Variants in CAPN8 observed in about 807,000 individuals in gnomAD.
The protein encoded by CAPN8 is calpain-8.
CAPN8 carries 87 observed loss-of-function variants against 80.9 expected under a neutral mutation model. That is an observed-to-expected ratio of 1.07 (90% confidence interval 0.90 to 1.28). The LOEUF (loss-of-function observed/expected upper bound fraction) is 1.28, where lower values mean the gene tolerates loss of function less well. Among genes scored for constraint, CAPN8 ranks in the 50% most tolerant of loss-of-function variants. CAPN8 has a pLI of 0.00. For missense variants in CAPN8, 757 were observed against 702.0 expected (o/e 1.08, Z -0.89); for synonymous variants, 299 against 273.8 (o/e 1.09, Z -0.91).
chr1:223,545,972 G>A (rs1054929139), intron 16 of CAPN8, among the ~76,000 whole-genome samples: 7 of 146,158 alleles, frequency 4.8e-5, no homozygotes, highest in Non-Finnish European at 9.0e-5. Context: ...ACAGGCACCC[G>A]CCACCATACT....
intron 14 of CAPN8, among the ~76,000 whole-genome samples, chr1:223,552,099 C>G (rs1656802219): frequency 6.6e-6 from 1 of 152,182 alleles, no homozygotes; most frequent in African/African-American, 2.4e-5. Flanking sequence ...AACTCAGCCC[C>G]TTATTCATCA....
In CAPN8 at chr1:223,549,545, C is replaced by T. The variant is rs772407697; in HGVS notation, c.1700-163G>A. On this transcript the variant is annotated intron_variant, in intron 15 of 20. Coordinates refer to ENST00000366872, the MANE Select transcript of CAPN8 (RefSeq NM_001143962.2). ...ATCATGGCAGGCTTGTGGGCAGATA[C>T]GCCTGAGCCTCCTGGTGCCGTGGGA... 177 of 1,036,112 alleles carry T rather than the reference C, an allele frequency of 1.7e-4. No homozygotes were observed. The African/African-American group carries it at 2.2e-3, about 13-fold the overall frequency. The allele number at this position is 1,036,112 out of a possible 1,614,324, so 64.2% of individuals were successfully genotyped here.
At chr1:223,543,396 G>A (rs1008413369) in intron 19 of CAPN8, among the ~76,000 whole-genome samples, 2 of 150,090 alleles carry the variant, frequency 1.3e-5, no homozygotes, top group African/African-American at 4.9e-5. Context: ...GACAAACCCC[G>A]TTGCCAGCAG....
intron 7 of CAPN8, 81 bp from the exon 8 acceptor site, chr1:223,620,347 C>T: frequency 8.8e-6 from 11 of 1,244,116 alleles, no homozygotes; most frequent in Non-Finnish European, 1.3e-5. Flanking sequence ...CTAAGCTTCC[C>T]CCTAAGAGCC....
intron 1 of CAPN8, among the ~76,000 whole-genome samples, chr1:223,655,748 A>G (rs1460649369): frequency 3.3e-5 from 5 of 152,182 alleles, no homozygotes; most frequent in Non-Finnish European, 7.3e-5. Context: ...TCCATTAGAA[A>G]GGTAGGATGC....
chr1:223,628,165 C>T (rs964394653), intron 3 of CAPN8, 23 bp from the exon 4 acceptor site: 1 of 1,529,374 alleles, frequency 6.5e-7, no homozygotes, highest in Non-Finnish European at 8.8e-7. Flanking sequence ...GACACAGCGG[C>T]TGCTCACATG....
rs77885949 is a variant in CAPN8 at position 223,646,439 on chromosome 1, G to A, written c.307+7891C>T. Among the ~76,000 whole-genome samples, 1,508 of 152,324 alleles carry A rather than the reference G, an allele frequency of 9.9e-3. 13 individuals carry two copies. Among genetic ancestry groups the A allele is most frequent in the African/African-American group, 0.033 (1,365 of 41,562 alleles). ...TCCAGTAAATGCCCAGAGCTGCCCT[G>A]AAGGTGACAGAGGCCTTAACACAGC... On this transcript the variant is annotated intron_variant, in intron 2 of 20. Coordinates refer to ENST00000366872, the MANE Select transcript of CAPN8 (RefSeq NM_001143962.2).
chr1:223,637,521 G>C (rs1368460121), intron 2 of CAPN8, among the ~76,000 whole-genome samples: 1 of 152,134 alleles, frequency 6.6e-6, no homozygotes, highest in African/African-American at 2.4e-5. Flanking sequence ...AGTCAGCCAG[G>C]TTCCTACTCC....
intron 1 of CAPN8, among the ~76,000 whole-genome samples, chr1:223,659,055 C>T (rs192072637): frequency 8.5e-5 from 13 of 152,280 alleles, no homozygotes; most frequent in Non-Finnish European, 5.9e-5. Flanking sequence ...TTTAGTAACA[C>T]TGTTTTCTAT....
intron 1 of CAPN8, among the ~76,000 whole-genome samples, chr1:223,656,928 C>G (rs555263348): frequency 6.6e-6 from 1 of 152,018 alleles, no homozygotes; most frequent in African/African-American, 2.4e-5. Flanking sequence ...TCGTGATCCG[C>G]CCGCCTCGGC....
At chr1:223,637,666 G>T (rs1657939263) in intron 2 of CAPN8, among the ~76,000 whole-genome samples, 1 of 152,162 alleles carries the variant, frequency 6.6e-6, no homozygotes, top group Non-Finnish European at 1.5e-5. Context: ...GCTCCTGTAT[G>T]CCATCATCAC....
rs115149184 is a variant in CAPN8, at chr1:223,611,433, G to T, written c.1323+813C>A. On this transcript the variant is annotated intron_variant, in intron 11 of 20. Coordinates refer to ENST00000366872, the MANE Select transcript of CAPN8 (RefSeq NM_001143962.2). ...TTTTCTAGAAATTTCTGCATAATCT[G>T]CCCCTTAATTTGCATATAATTAAAA... Among the ~76,000 whole-genome samples the T allele has an allele frequency of 5.3e-3, 807 of 152,250 alleles. 4 individuals carry two copies. Among genetic ancestry groups the T allele is most frequent in the East Asian group, 0.025 (130 of 5,180 alleles).
chr1:223,649,208 A>G (rs1571735537), intron 2 of CAPN8, among the ~76,000 whole-genome samples: 1 of 152,224 alleles, frequency 6.6e-6, no homozygotes. Flanking sequence ...ATTTACACAT[A>G]GAGACGATTC....
intron 16 of CAPN8, among the ~76,000 whole-genome samples, chr1:223,549,017 C>T (rs1195583315): frequency 1.3e-5 from 2 of 151,766 alleles, no homozygotes; most frequent in African/African-American, 2.4e-5. Flanking sequence ...GGAGCAGGTG[C>T]GCAAATGCCC....
chr1:223,555,907 G>A (rs1656896206), intron 13 of CAPN8, among the ~76,000 whole-genome samples: 1 of 152,170 alleles, frequency 6.6e-6, no homozygotes, highest in African/African-American at 2.4e-5. Flanking sequence ...GCGTGTGAAT[G>A]CAATGGTGAA....
intron 2 of CAPN8, among the ~76,000 whole-genome samples, chr1:223,650,130 C>T (rs1658306823): frequency 6.6e-6 from 1 of 152,092 alleles, no homozygotes; most frequent in Admixed American, 6.6e-5. Context: ...AAAGGCATTT[C>T]CAGGAGCATT....
intron 10 of CAPN8, among the ~76,000 whole-genome samples, chr1:223,613,451 C>A (rs35036666): frequency 0.11 from 16,613 of 152,244 alleles, 1,399 homozygotes; most frequent in East Asian, 0.23. Context: ...AACTTGACCA[C>A]CTCTGCTGCC....
chr1:223,627,882 G>A, intron 4 of CAPN8, 127 bp downstream of exon 4: 3 of 1,096,620 alleles, frequency 2.7e-6, no homozygotes, highest in Non-Finnish European at 3.8e-6. Context: ...CGGCTCATGG[G>A]GGTCTGGATG....
At chr1:223,646,453 C>A (rs1452066546) in intron 2 of CAPN8, among the ~76,000 whole-genome samples, 1 of 152,204 alleles carries the variant, frequency 6.6e-6, no homozygotes, top group Non-Finnish European at 1.5e-5. Context: ...GTGACAGAGG[C>A]CTTAACACAG....
Sources: allele counts gnomAD v4.1 joint callset (sites outside exome capture counted in the v4.1 genomes callset), GRCh38; gene constraint gnomAD v4.1.1; transcripts MANE v1.5; gene names NCBI Gene and HGNC (gene_info 2026-07-23, HGNC 2026-07-21).